Variants in GPD2 observed in about 807,000 individuals in gnomAD.
GPD2 encodes glycerol-3-phosphate dehydrogenase 2.
GPD2 carries 54 observed loss-of-function variants against 82.4 expected under a neutral mutation model. That is an observed-to-expected ratio of 0.66 (90% CI 0.53 to 0.82). GPD2 has a LOEUF of 0.82. Ranked by LOEUF, GPD2 falls within the 40% of genes least tolerant of loss-of-function variation. The probability of loss-of-function intolerance (pLI) is 0.00; values close to 1 mark genes in which losing one functional copy is unlikely to be tolerated. For missense variants in GPD2, 748 were observed against 896.2 expected (o/e 0.83, Z 2.11); for synonymous variants, 288 against 306.1 (o/e 0.94, Z 0.62).
intron 9 of GPD2, among the ~76,000 whole-genome samples, chr2:156,558,714 C>T (rs1234287139): frequency 6.6e-6 from 1 of 150,664 alleles, no homozygotes; most frequent in Non-Finnish European, 1.5e-5. Context: ...TCTCCTGCCT[C>T]AGCCTCCCAA....
At chr2:156,412,233 C>T in the GPD2 span, among the ~76,000 whole-genome samples, 2 of 151,814 alleles carry the variant, frequency 1.3e-5, no homozygotes, top group South Asian at 2.1e-4. Context: ...GTCAGGAGTT[C>T]GAGACTAGCC....
the GPD2 span, among the ~76,000 whole-genome samples, chr2:156,426,141 T>C: frequency 6.6e-6 from 1 of 152,040 alleles, no homozygotes; most frequent in Non-Finnish European, 1.5e-5. Flanking sequence ...GCCGGGATAG[T>C]CTCGATCTCC....
At chr2:156,553,560 A>G (rs889280067) in intron 8 of GPD2, among the ~76,000 whole-genome samples, 8 of 152,204 alleles carry the variant, frequency 5.3e-5, no homozygotes, top group African/African-American at 1.9e-4. Context: ...AAATAGAAAT[A>G]TGAAAATGAA....
intron 6 of GPD2, among the ~76,000 whole-genome samples, chr2:156,535,435 G>A (rs1271481427): frequency 8.4e-5 from 4 of 47,540 alleles, no homozygotes; most frequent in African/African-American, 2.2e-4. Context: ...AGAGGGGGGT[G>A]GGGAGAGAGA....
chr2:156,529,651 A>G (rs1213280778), intron 6 of GPD2, among the ~76,000 whole-genome samples: 1 of 151,636 alleles, frequency 6.6e-6, no homozygotes, highest in Non-Finnish European at 1.5e-5. Flanking sequence ...TCAGCTTTCT[A>G]CATATGGCTA....
chr2:156,526,057 A>C (rs992220337), intron 6 of GPD2, among the ~76,000 whole-genome samples: 4 of 152,044 alleles, frequency 2.6e-5, no homozygotes, highest in Non-Finnish European at 5.9e-5. Flanking sequence ...TTTTTCACCT[A>C]ATAGAGTAGA....
At chr2:156,453,134 GT>G (rs1682673392) in intron 1 of GPD2, among the ~76,000 whole-genome samples, 1 of 152,046 alleles carries the variant, frequency 6.6e-6, no homozygotes. Context: ...GTGGTTGCAT[GT>G]TTTTTTTCCC....
At chr2:156,534,960 A>G (rs1316110697) in intron 6 of GPD2, among the ~76,000 whole-genome samples, 1 of 152,178 alleles carries the variant, frequency 6.6e-6, no homozygotes, top group African/African-American at 2.4e-5. Context: ...ATGCTTTGCT[A>G]AATTTTAAGA....
the GPD2 span, among the ~76,000 whole-genome samples, chr2:156,402,664 A>G: frequency 1.7e-4 from 26 of 151,842 alleles, no homozygotes; most frequent in African/African-American, 3.1e-4. Context: ...TTATTTATTT[A>G]TTTGTTTGTT....
intron 3 of GPD2, among the ~76,000 whole-genome samples, chr2:156,504,538 A>C (rs1326668591): frequency 6.6e-6 from 1 of 152,044 alleles, no homozygotes; most frequent in African/African-American, 2.4e-5. Flanking sequence ...CAGAGTGATT[A>C]TTCTCACCTT....
Position 156,548,262 on chromosome 2 carries a change from G to A in GPD2, c.662-1346G>A, listed in dbSNP as rs139177300. 8.1e-3 allele frequency among the ~76,000 whole-genome samples: 1,231 copies of A among 152,254 alleles called. 5 individuals are homozygous for A. The highest frequency in any genetic ancestry group is 0.012 in the Non-Finnish European group (807 of 68,004). On this transcript the variant is annotated intron_variant, in intron 6 of 16. Coordinates refer to ENST00000438166, the MANE Select transcript of GPD2 (RefSeq NM_000408.5). The stretch of plus-strand genomic sequence containing the variant: ...AGCTTAACTTCAAATATGATTTTAA[G>A]CAACCTTAGGATCATGCTGAGTTGA...
intron 8 of GPD2, among the ~76,000 whole-genome samples, chr2:156,554,091 T>C (rs1052043787): frequency 3.9e-5 from 6 of 152,236 alleles, no homozygotes; most frequent in Admixed American, 3.3e-4. Flanking sequence ...TGACCTAGAT[T>C]AAGGGTTCAT....
rs116503732 is a variant in GPD2 at position 156,550,697 on chromosome 2, A to T, written c.922A>T (p.Ile308Phe). 1 of 1,613,740 alleles carries T rather than the reference A, an allele frequency of 6.2e-7. No individual in the cohort carries two copies. Among genetic ancestry groups the T allele is most frequent in the East Asian group, 2.2e-5 (1 of 44,870 alleles). ...AATGGATGATAAAGACGCAGCAGCT[A>T]TCTGCCAGCCAAGTGCTGGTGTCCA... ...RKMDDKDAAAICQPSAGVHIV... is the reference protein window; with the variant it reads ...RKMDDKDAAAFCQPSAGVHIV... Residue 308 changes from isoleucine (I) to phenylalanine (F), a missense_variant, in exon 8 of 17, where the codon ATC (isoleucine) becomes TTC (phenylalanine). Around this residue, in one of 3 missense-constraint regions of GPD2, gnomAD observed 692 missense variants for 809.7 expected, o/e 0.85. Transcript: ENST00000438166.
At chr2:156,404,855 A>T in the GPD2 span, among the ~76,000 whole-genome samples, 1 of 86,442 alleles carries the variant, frequency 1.2e-5, no homozygotes, top group African/African-American at 3.8e-5. Flanking sequence ...CTCCGTCTCC[A>T]AAAAAAAAAA....
rs1226766291 is a variant in GPD2, at chr2:156,544,011, A to G, written c.662-5597A>G. ...AAATTGGCTACATTGCCTATATGTT[A>G]TCTATTGCTGTAATTCTTCATACAG... is the stretch of plus-strand genomic sequence containing the variant. On this transcript the variant is annotated intron_variant, in intron 6 of 16. Transcript: ENST00000438166. 2.0e-5 allele frequency among the ~76,000 whole-genome samples: 3 copies of G among 152,190 alleles called. No individual in the cohort carries two copies. The East Asian group carries it at 5.8e-4, about 29-fold the overall frequency.
intron 1 of GPD2, among the ~76,000 whole-genome samples, chr2:156,443,605 A>AT (rs1330305844): frequency 1.3e-5 from 2 of 152,102 alleles, no homozygotes; most frequent in East Asian, 1.9e-4. Flanking sequence ...TTATTTCAAA[A>AT]TTTTTTTCCC....
At chr2:156,464,801 C>T (rs1033178568) in intron 1 of GPD2, among the ~76,000 whole-genome samples, 33 of 152,016 alleles carry the variant, frequency 2.2e-4, no homozygotes, top group African/African-American at 4.1e-4. Flanking sequence ...ATATTTCTAA[C>T]GGCATATAAT....
At chr2:156,543,110 T>C (rs1686387508) in intron 6 of GPD2, among the ~76,000 whole-genome samples, 1 of 152,150 alleles carries the variant, frequency 6.6e-6, no homozygotes, top group Admixed American at 6.5e-5. Flanking sequence ...ATCACTAGCC[T>C]CCTCCCTTTG....
At chr2:156,535,961 G>A (rs1448170057) in intron 6 of GPD2, among the ~76,000 whole-genome samples, 3 of 152,154 alleles carry the variant, frequency 2.0e-5, no homozygotes, top group African/African-American at 7.2e-5. Context: ...CTCAGTTTAG[G>A]CTTAGCTCTC....
Sources: allele counts gnomAD v4.1 joint callset (sites outside exome capture counted in the v4.1 genomes callset), GRCh38; gene constraint gnomAD v4.1.1; regional missense constraint gnomAD v4.1.1; transcripts MANE v1.5; gene names NCBI Gene and HGNC (gene_info 2026-07-23, HGNC 2026-07-21).